The following NTRK3 variants were observed in gnomAD, a reference collection of about 807,000 sequenced individuals.
NTRK3 encodes the protein neurotrophic receptor tyrosine kinase 3.
Under a neutral mutation model 91.7 loss-of-function variants are expected in NTRK3, and 24 were observed. The observed-to-expected ratio is 0.26, with a 90% CI of 0.19 to 0.37. The LOEUF is 0.37. Among genes scored for constraint, NTRK3 ranks in the 10% least tolerant of loss-of-function variants. The probability of loss-of-function intolerance (pLI) is 1.00; values close to 1 mark genes in which losing one functional copy is unlikely to be tolerated. For missense variants in NTRK3, 880 were observed against 1,068.9 expected (o/e 0.82, Z 2.46); for synonymous variants, 483 against 404.0 (o/e 1.20, Z -2.34).
At chr15:88,251,828 C>T (rs2142021618) in intron 3 of NTRK3, among the ~76,000 whole-genome samples, 1 of 152,358 alleles carries the variant, frequency 6.6e-6, no homozygotes, top group East Asian at 1.9e-4. Flanking sequence ...TTCCAGGTTG[C>T]AGGCTTAGCC....
chr15:88,067,217 A>C (rs1441508505), intron 13 of NTRK3, among the ~76,000 whole-genome samples: 1 of 151,684 alleles, frequency 6.6e-6, no homozygotes, highest in African/African-American at 2.4e-5. Flanking sequence ...AGTTGTACAG[A>C]CTCCCACACG....
intron 10 of NTRK3, among the ~76,000 whole-genome samples, chr15:88,132,489 G>A (rs763308265): frequency 6.6e-6 from 1 of 152,152 alleles, no homozygotes; most frequent in African/African-American, 2.4e-5. Flanking sequence ...CAGATGGGAG[G>A]GCTATCTGGG....
intron 14 of NTRK3, among the ~76,000 whole-genome samples, chr15:87,994,798 G>A (rs2075567382): frequency 6.6e-6 from 1 of 152,212 alleles, no homozygotes; most frequent in South Asian, 2.1e-4. Flanking sequence ...AGGACTATCT[G>A]TGAGTAACTC....
chr15:87,881,404 T>TATTTA (rs1223617607), intron 17 of NTRK3, among the ~76,000 whole-genome samples: 1 of 132,312 alleles, frequency 7.6e-6, no homozygotes, highest in Non-Finnish European at 1.7e-5. Flanking sequence ...ATTTCCTTCT[T>TATTTA]TCTTATTTAT....
At chr15:88,138,145 T>G (rs1247111580) in intron 6 of NTRK3, among the ~76,000 whole-genome samples, 2 of 152,196 alleles carry the variant, frequency 1.3e-5, no homozygotes, top group African/African-American at 2.4e-5. Flanking sequence ...GGCTCACACC[T>G]GTAATCCCAG....
At chr15:88,250,432 T>A (rs138298342) in intron 3 of NTRK3, among the ~76,000 whole-genome samples, 1 of 152,220 alleles carries the variant, frequency 6.6e-6, no homozygotes, top group Non-Finnish European at 1.5e-5. Flanking sequence ...AAAATAATGA[T>A]ATGACTGATG....
intron 3 of NTRK3, among the ~76,000 whole-genome samples, chr15:88,236,281 C>T (rs992884748): frequency 1.3e-5 from 2 of 152,106 alleles, no homozygotes; most frequent in African/African-American, 4.8e-5. Flanking sequence ...ATATCTGTAA[C>T]AATGTGGATG....
chr15:88,253,981 G>GT (rs2053722773), intron 3 of NTRK3, among the ~76,000 whole-genome samples: 1 of 152,182 alleles, frequency 6.6e-6, no homozygotes, highest in South Asian at 2.1e-4. Context: ...AAGAGCCTAC[G>GT]TGATTGTGAC....
At chr15:88,052,905 C>T (rs1156572379) in intron 13 of NTRK3, among the ~76,000 whole-genome samples, 7 of 152,130 alleles carry the variant, frequency 4.6e-5, no homozygotes, top group Admixed American at 3.9e-4. Flanking sequence ...GGTTATCTAT[C>T]AGCTGATCAG....
In NTRK3 at chr15:88,032,164, C is replaced by A. The variant is rs1257219449; in HGVS notation, c.1585+693G>T. Among the ~76,000 whole-genome samples, 5 of 152,020 alleles carry A rather than the reference C, an allele frequency of 3.3e-5. No homozygotes were observed. The East Asian group carries it at 7.8e-4, about 24-fold the overall frequency. On this transcript the variant is annotated intron_variant, in intron 14 of 18. Coordinates refer to ENST00000394480, the Ensembl canonical transcript of NTRK3. ...GAACCTGGGCACACAGCAGGAGGAA[C>A]CCTGCTGGATGGACAGACAAGTCAT...
At chr15:88,026,535 C>T (rs193010375) in intron 14 of NTRK3, among the ~76,000 whole-genome samples, 26 of 152,220 alleles carry the variant, frequency 1.7e-4, no homozygotes, top group African/African-American at 5.5e-4. Context: ...TGAAATTATT[C>T]TGTCTGACAT....
At chr15:88,202,117 C>A (rs1001090744) in intron 3 of NTRK3, among the ~76,000 whole-genome samples, 5 of 152,292 alleles carry the variant, frequency 3.3e-5, no homozygotes, top group South Asian at 2.1e-4. Flanking sequence ...TAGCCATTCT[C>A]CAGCTGACTA....
chr15:88,043,729 T>C (rs1364852183), intron 13 of NTRK3, among the ~76,000 whole-genome samples: 1 of 152,150 alleles, frequency 6.6e-6, no homozygotes, highest in Non-Finnish European at 1.5e-5. Context: ...ATGGCTTCAA[T>C]ATGAAGTTCT....
At chr15:88,206,180 A>C (rs2048736308) in intron 3 of NTRK3, among the ~76,000 whole-genome samples, 1 of 147,412 alleles carries the variant, frequency 6.8e-6, no homozygotes, top group Non-Finnish European at 1.5e-5. Context: ...TCTACTAAAA[A>C]TACAAAAAAA....
intron 14 of NTRK3, among the ~76,000 whole-genome samples, chr15:88,032,217 T>C (rs890749469): frequency 6.6e-6 from 1 of 151,914 alleles, no homozygotes; most frequent in African/African-American, 2.4e-5. Flanking sequence ...AGAGGGGGCC[T>C]AGCAGGGCTC....
intron 13 of NTRK3, among the ~76,000 whole-genome samples, chr15:88,074,260 G>C (rs911270735): frequency 6.6e-6 from 1 of 152,208 alleles, no homozygotes; most frequent in Non-Finnish European, 1.5e-5. Context: ...CTTGCTGCCG[G>C]AAAGAACCAG....
At chr15:88,225,190 G>A (rs990182735) in intron 3 of NTRK3, among the ~76,000 whole-genome samples, 4 of 152,162 alleles carry the variant, frequency 2.6e-5, no homozygotes, top group Non-Finnish European at 4.4e-5. Context: ...TAAAAGGGAC[G>A]TGTCAAGGCA....
At chr15:87,986,219 T>C (rs771270800) in intron 14 of NTRK3, among the ~76,000 whole-genome samples, 16 of 152,244 alleles carry the variant, frequency 1.1e-4, no homozygotes, top group Non-Finnish European at 1.9e-4. Flanking sequence ...AAAATATCTG[T>C]CTTTGTATTC....
intron 14 of NTRK3, among the ~76,000 whole-genome samples, chr15:87,976,734 G>A (rs1351815786): frequency 6.6e-6 from 1 of 152,150 alleles, no homozygotes; most frequent in Non-Finnish European, 1.5e-5. Flanking sequence ...TGAGAGTGTG[G>A]CTCACCTGAG....
Sources: allele counts gnomAD v4.1 joint callset (sites outside exome capture counted in the v4.1 genomes callset), GRCh38; gene constraint gnomAD v4.1.1; transcripts MANE v1.5; gene names NCBI Gene and HGNC (gene_info 2026-07-23, HGNC 2026-07-21).